UBR1: variants seen among roughly 807,000 people sequenced by gnomAD.
UBR1 encodes the protein E3 ubiquitin-protein ligase UBR1.
A neutral mutation model predicts 242.1 loss-of-function variants in UBR1; 102 were observed. That is an observed-to-expected ratio of 0.42 (90% CI 0.36 to 0.50). The LOEUF (loss-of-function observed/expected upper bound fraction) is 0.50. Among genes scored for constraint, UBR1 ranks in the 20% least tolerant of loss-of-function variants. The pLI, the probability that UBR1 is intolerant of heterozygous loss-of-function variation, is 0.01. For synonymous variants in UBR1, 675 were observed against 684.8 expected (o/e 0.99, Z 0.22); for missense variants, 1,772 against 2,101.8 (o/e 0.84, Z 3.07).
chr15:42,958,329 A>G (rs1041623734), intron 43 of UBR1, among the ~76,000 whole-genome samples: 8 of 152,224 alleles, frequency 5.3e-5, no homozygotes, highest in Admixed American at 5.2e-4. Context: ...AAACTGTTAT[A>G]GCTAGATTTC....
At chr15:43,029,079 C>T (rs895666402) in intron 21 of UBR1, among the ~76,000 whole-genome samples, 11 of 150,456 alleles carry the variant, frequency 7.3e-5, no homozygotes, top group African/African-American at 2.5e-4. Flanking sequence ...AGCGAGACTT[C>T]GTCTCAAGGA....
At chr15:43,077,134 AC>A (rs1164407944) in intron 3 of UBR1, among the ~76,000 whole-genome samples, 1 of 113,686 alleles carries the variant, frequency 8.8e-6, no homozygotes, top group East Asian at 3.0e-4. Flanking sequence ...CCCGGCCACG[AC>A]CCCGTCTGGG....
chr15:43,060,092 C>T lies in UBR1; in HGVS notation c.821G>A (p.Gly274Glu). ...DKEGRRAVKA[G>E]AYAACQEAKE... ...TGCTTCCTGGCAAGCAGCATAAGCT[C>T]CCGCTTTAACAGCCCGACGACCCTA... The change falls in exon 7 of 47, where the codon GGA becomes GAA. Residue 274 changes from glycine (G) to glutamate (E), a missense_variant. Gly to Glu is a moderately conservative substitution (Grantham distance 98). Around this residue, in one of 3 missense-constraint regions of UBR1, gnomAD observed 734 missense variants for 893.3 expected, o/e 0.82. Coordinates refer to ENST00000290650, the MANE Select transcript of UBR1 (RefSeq NM_174916.3). The T allele has an allele frequency of 6.2e-7, 1 of 1,614,108 alleles. No individual in the cohort carries two copies. The highest frequency in any genetic ancestry group is 1.1e-5 in the South Asian group (1 of 91,080).
intron 12 of UBR1, among the ~76,000 whole-genome samples, chr15:43,053,694 G>A (rs2033582482): frequency 2.0e-5 from 3 of 152,162 alleles, no homozygotes; most frequent in Admixed American, 6.5e-5. Context: ...CTGGGCTCAA[G>A]TGATCCTCTC....
chr15:42,998,455 C>T (rs1168323973), intron 32 of UBR1, among the ~76,000 whole-genome samples, 190 bp from the exon 33 acceptor site: 2 of 152,130 alleles, frequency 1.3e-5, no homozygotes, highest in Non-Finnish European at 2.9e-5. Flanking sequence ...TTTAAACTTA[C>T]AAGAAATAAG....
Position 43,027,712 on chromosome 15 carries a change from A to G in UBR1, c.2432+64T>C, listed in dbSNP as rs1323104822. The G allele has an allele frequency of 3.4e-6, 5 of 1,469,992 alleles. No homozygotes were observed. In the African/African-American group the frequency reaches 5.5e-5, roughly 16 times the overall value. 91.1% of individuals were successfully genotyped at this position (1,469,992 alleles called of 1,614,324 possible). ...AAGAACTTCAGAGCTTCTACAAAGT[A>G]TCCAAAGTACAAGAACAAAGATCAA... On this transcript the variant is annotated intron_variant, in intron 22 of 46. Coordinates refer to ENST00000290650, the MANE Select transcript of UBR1 (RefSeq NM_174916.3).
chr15:43,098,637 T>G (rs1179960260), intron 1 of UBR1, among the ~76,000 whole-genome samples: 1 of 151,604 alleles, frequency 6.6e-6, no homozygotes, highest in Non-Finnish European at 1.5e-5. Flanking sequence ...TTTCCAGCAC[T>G]AGCACATCTA....
chr15:42,982,575 T>C (rs2032393821), intron 37 of UBR1, among the ~76,000 whole-genome samples: 1 of 152,206 alleles, frequency 6.6e-6, no homozygotes, highest in Admixed American at 6.5e-5. Flanking sequence ...TAACAAAACT[T>C]GGATGGTAGC....
chr15:42,948,260 C>T (rs2031770237), intron 46 of UBR1, among the ~76,000 whole-genome samples: 1 of 152,108 alleles, frequency 6.6e-6, no homozygotes, highest in African/African-American at 2.4e-5. Context: ...CCCTTCCTTA[C>T]ACCTTATACA....
At chr15:43,091,063 C>T (rs1310056327) in intron 1 of UBR1, among the ~76,000 whole-genome samples, 1 of 152,106 alleles carries the variant, frequency 6.6e-6, no homozygotes, top group South Asian at 2.1e-4. Flanking sequence ...CTCAGCCACC[C>T]GAGTAGCTAG....
rs1243619104 is a variant in UBR1, at chr15:43,086,018, C to T, written c.304G>A (p.Val102Ile). 8.1e-6 allele frequency: 13 copies of T among 1,613,564 alleles called. No homozygotes were observed. Among genetic ancestry groups the T allele is most frequent in the Non-Finnish European group, 1.1e-5 (13 of 1,179,942 alleles). The part of the protein sequence containing the change: ...HSGAFQLCGR[V>I]FKSGETTYSC... ...TAGGTTGTCTCTCCACTTTTGAAAA[C>T]CCTCCCACAAAGCTGAAATGCTCCA... The change falls in exon 2 of 47, where the codon GTT becomes ATT. Residue 102 changes from valine (V) to isoleucine (I), a missense_variant. Coordinates refer to ENST00000290650, the MANE Select transcript of UBR1 (RefSeq NM_174916.3).
At chr15:43,079,201 T>G (rs545372953) in intron 3 of UBR1, among the ~76,000 whole-genome samples, 6 of 152,220 alleles carry the variant, frequency 3.9e-5, no homozygotes, top group Admixed American at 3.9e-4. Context: ...GCACAGTGGC[T>G]CATGCCTGTA....
chr15:42,982,853 C>T lies in UBR1; in HGVS notation c.4150+1044G>A, dbSNP rs115728222. On this transcript the variant is annotated intron_variant, in intron 37 of 46. Transcript: ENST00000290650. The stretch of plus-strand genomic sequence containing the variant: ...ATCTGGGAAGTGCACGCTGAAACTA[C>T]CCTACTCGTGACATTTGGGACTTAT... Among the ~76,000 whole-genome samples, 346 of 152,218 alleles carry T rather than the reference C, an allele frequency of 2.3e-3. 2 individuals are homozygous for T. The highest frequency in any genetic ancestry group is 7.9e-3 in the African/African-American group (327 of 41,536).
chr15:43,003,019 T>G (rs1312247355), intron 31 of UBR1, among the ~76,000 whole-genome samples: 1 of 152,216 alleles, frequency 6.6e-6, no homozygotes, highest in Non-Finnish European at 1.5e-5. Context: ...AATGATGAAC[T>G]GAAGTAGTGA....
chr15:43,062,490 A>C lies in UBR1; in HGVS notation c.799-2376T>G, dbSNP rs540461278. Among the ~76,000 whole-genome samples, 5 of 152,300 alleles carry C rather than the reference A, an allele frequency of 3.3e-5. No individual in the cohort carries two copies. The South Asian group carries it at 8.3e-4, about 25-fold the overall frequency. ...ATGGATATAAAGTTTCAGTTTTGCA[A>C]GATGGAAAAGTTCTAGAGATCTGTT... is the stretch of plus-strand genomic sequence containing the variant. On this transcript the variant is annotated intron_variant, in intron 6 of 46. Transcript: ENST00000290650.
At chr15:43,028,561 A>G (rs891681685) in intron 21 of UBR1, among the ~76,000 whole-genome samples, 13 of 151,870 alleles carry the variant, frequency 8.6e-5, no homozygotes, top group African/African-American at 2.9e-4. Context: ...CCTGGCCAAC[A>G]TAGTGAAACC....
intron 11 of UBR1, among the ~76,000 whole-genome samples, chr15:43,056,022 A>C (rs1218159973): frequency 6.6e-6 from 1 of 152,150 alleles, no homozygotes; most frequent in Non-Finnish European, 1.5e-5. Flanking sequence ...TGACAGGCAC[A>C]CCCTCCCACT....
chr15:43,059,239 C>CT (rs2033653862), intron 8 of UBR1, 47 bp from the exon 9 acceptor site: 1 of 1,546,334 alleles, frequency 6.5e-7, no homozygotes, highest in Non-Finnish European at 8.9e-7. Context: ...TATTCTTTTT[C>CT]TTTTTAAATA....
At chr15:42,988,164 G>C (rs538221713) in intron 35 of UBR1, among the ~76,000 whole-genome samples, 14 of 151,956 alleles carry the variant, frequency 9.2e-5, no homozygotes, top group Non-Finnish European at 2.1e-4. Flanking sequence ...AACTATAAAA[G>C]AAAGAAAAAT....
Sources: gnomAD v4.1 joint callset for allele counts (sites outside exome capture counted in the v4.1 genomes callset) on GRCh38, gnomAD v4.1.1 for gene constraint, gnomAD v4.1.1 regional missense constraint, MANE v1.5 for transcripts, NCBI Gene and HGNC (gene_info 2026-07-23, HGNC 2026-07-21) for gene names.